The following DAB1 variants were observed in gnomAD, a reference collection of about 807,000 sequenced individuals.
DAB1 encodes the protein disabled homolog 1.
In DAB1, 15 loss-of-function variants were observed where a neutral mutation model predicts 64.6. The ratio of observed to expected loss-of-function variants is 0.23; its 90% CI spans 0.16 to 0.36. The LOEUF (loss-of-function observed/expected upper bound fraction) is 0.36. Among genes scored for constraint, DAB1 ranks in the 10% least tolerant of loss-of-function variants. The probability of loss-of-function intolerance (pLI) is 1.00; values close to 1 mark genes in which losing one functional copy is unlikely to be tolerated. For missense variants in DAB1, 596 were observed against 706.7 expected (o/e 0.84, Z 1.78); for synonymous variants, 235 against 251.9 (o/e 0.93, Z 0.64).
At chr1:57,054,237 T>C (rs1649510837) in intron 9 of DAB1, among the ~76,000 whole-genome samples, 1 of 152,118 alleles carries the variant, frequency 6.6e-6, no homozygotes, top group Non-Finnish European at 1.5e-5. Context: ...GGTTAAAGTC[T>C]GTGTCATTAA....
intron 5 of DAB1, among the ~76,000 whole-genome samples, chr1:58,066,166 G>A (rs1396786617): frequency 6.6e-6 from 1 of 152,146 alleles, no homozygotes; most frequent in Admixed American, 6.5e-5. Context: ...GCCTACACAG[G>A]GGGACATCTC....
intron 6 of DAB1, among the ~76,000 whole-genome samples, chr1:57,699,867 C>T (rs995916764): frequency 4.6e-5 from 7 of 152,070 alleles, no homozygotes; most frequent in Non-Finnish European, 1.0e-4. Flanking sequence ...GAGCTGAGAT[C>T]ACACCACTAC....
chr1:57,755,568 T>C (rs1648765951), intron 6 of DAB1, among the ~76,000 whole-genome samples: 1 of 152,202 alleles, frequency 6.6e-6, no homozygotes, highest in African/African-American at 2.4e-5. Context: ...AGCTTCATTT[T>C]GTATTTCTAA....
At chr1:58,058,670 G>C (rs1031181373) in intron 5 of DAB1, among the ~76,000 whole-genome samples, 1 of 152,090 alleles carries the variant, frequency 6.6e-6, no homozygotes, top group African/African-American at 2.4e-5. Flanking sequence ...TGAGAGATGC[G>C]GGCTTCTTGG....
chr1:58,066,548 C>A (rs1225810994), intron 5 of DAB1, among the ~76,000 whole-genome samples: 6 of 152,200 alleles, frequency 3.9e-5, no homozygotes, highest in Admixed American at 3.3e-4. Flanking sequence ...CATAATCTCA[C>A]AACCATACGA....
intron 6 of DAB1, among the ~76,000 whole-genome samples, chr1:57,672,340 TAA>T (rs1448711109): frequency 1.3e-5 from 2 of 152,204 alleles, no homozygotes; most frequent in African/African-American, 4.8e-5. Flanking sequence ...GTTAATATCA[TAA>T]GTGTTCAGAG....
chr1:57,950,807 C>T (rs541185579), intron 5 of DAB1, among the ~76,000 whole-genome samples: 1 of 152,292 alleles, frequency 6.6e-6, no homozygotes, highest in African/African-American at 2.4e-5. Flanking sequence ...GTACACTTCA[C>T]CTGTTAGAAA....
intron 3 of DAB1, among the ~76,000 whole-genome samples, chr1:58,436,824 C>T (rs549918123): frequency 6.6e-6 from 1 of 152,180 alleles, no homozygotes; most frequent in Admixed American, 6.5e-5. Context: ...TTTGCACTTC[C>T]CATTTGGGTG....
At chr1:58,465,044 G>C (rs1013331442) in intron 3 of DAB1, among the ~76,000 whole-genome samples, 3 of 152,338 alleles carry the variant, frequency 2.0e-5, no homozygotes, top group African/African-American at 7.2e-5. Flanking sequence ...CACTGTGCTG[G>C]TGCTTCTGCA....
chr1:57,032,652 A>C (rs1033284195), intron 9 of DAB1, among the ~76,000 whole-genome samples: 1 of 152,092 alleles, frequency 6.6e-6, no homozygotes, highest in Non-Finnish European at 1.5e-5. Flanking sequence ...CCTGGTTCCC[A>C]CCCCTAAAGA....
chr1:57,513,515 T>C (rs1021609536), intron 7 of DAB1, among the ~76,000 whole-genome samples: 2 of 152,198 alleles, frequency 1.3e-5, no homozygotes, highest in African/African-American at 4.8e-5. Flanking sequence ...AAGAAAAAGA[T>C]AGGAGAGATA....
At chr1:57,998,338 G>A (rs1468560756) in intron 5 of DAB1, among the ~76,000 whole-genome samples, 1 of 151,228 alleles carries the variant, frequency 6.6e-6, no homozygotes, top group Non-Finnish European at 1.5e-5. Context: ...AATTTCAAAT[G>A]ATGTCACTGG....
chr1:58,289,929 G>C (rs1384743116), intron 4 of DAB1, among the ~76,000 whole-genome samples: 2 of 152,186 alleles, frequency 1.3e-5, no homozygotes. Context: ...ATTCTCACTT[G>C]TATCCAGCAC....
chr1:57,429,766 C>G (rs1685430613), intron 7 of DAB1, among the ~76,000 whole-genome samples: 1 of 152,126 alleles, frequency 6.6e-6, no homozygotes, highest in Non-Finnish European at 1.5e-5. Context: ...TTTATGTATG[C>G]TTGGTGACTT....
At chr1:57,296,073 T>C (rs1673171833) in intron 1 of DAB1, among the ~76,000 whole-genome samples, 1 of 152,124 alleles carries the variant, frequency 6.6e-6, no homozygotes, top group South Asian at 2.1e-4. Context: ...CAGGCTTGTT[T>C]TCTGTAGTGT....
intron 9 of DAB1, among the ~76,000 whole-genome samples, chr1:57,051,367 C>A (rs1423315507): frequency 6.6e-6 from 1 of 152,172 alleles, no homozygotes; most frequent in Non-Finnish European, 1.5e-5. Context: ...TATCCAACAT[C>A]TTGATCCAGA....
At chr1:57,353,987 C>T (rs1678845094) in intron 1 of DAB1, among the ~76,000 whole-genome samples, 2 of 152,114 alleles carry the variant, frequency 1.3e-5, no homozygotes, top group African/African-American at 2.4e-5. Flanking sequence ...AAATGAATCA[C>T]CTCAAATTTT....
intron 2 of DAB1, among the ~76,000 whole-genome samples, chr1:57,237,925 C>T (rs992589149): frequency 6.6e-6 from 1 of 151,976 alleles, no homozygotes; most frequent in Non-Finnish European, 1.5e-5. Context: ...GTAGTTCAGG[C>T]AAAGAACGAG....
chr1:57,044,377 A>G (rs1314432570), intron 9 of DAB1, among the ~76,000 whole-genome samples: 1 of 152,234 alleles, frequency 6.6e-6, no homozygotes, highest in Non-Finnish European at 1.5e-5. Context: ...TGAGCAGAGC[A>G]ATGCATAAGT....
Sources: gnomAD v4.1 joint callset for allele counts (sites outside exome capture counted in the v4.1 genomes callset) on GRCh38, gnomAD v4.1.1 for gene constraint, MANE v1.5 for transcripts, NCBI Gene and HGNC (gene_info 2026-07-23, HGNC 2026-07-21) for gene names.